Variants in KATNIP observed in about 807,000 individuals in gnomAD.
KATNIP encodes the protein katanin interacting protein, also known as katanin-interacting protein.
KATNIP carries 126 observed loss-of-function variants against 174.0 expected under a neutral mutation model. The observed-to-expected ratio is 0.72, with a 90% CI of 0.63 to 0.84. The LOEUF is 0.84. Among genes scored for constraint, KATNIP ranks in the 40% least tolerant of loss-of-function variants. KATNIP has a pLI of 0.00. For missense variants in KATNIP, 1,958 were observed against 2,109.7 expected (o/e 0.93, Z 1.41); for synonymous variants, 810 against 835.7 (o/e 0.97, Z 0.53).
intron 5 of KATNIP, among the ~76,000 whole-genome samples, chr16:27,640,069 C>T (rs745473123): frequency 6.6e-5 from 10 of 152,132 alleles, no homozygotes; most frequent in East Asian, 1.9e-4. Flanking sequence ...AAACAGTTTG[C>T]GAAGAGGGGT....
At chr16:27,570,888 G>A (rs1011366703) in intron 1 of KATNIP, among the ~76,000 whole-genome samples, 2 of 152,168 alleles carry the variant, frequency 1.3e-5, no homozygotes, top group African/African-American at 4.8e-5. Context: ...GGAGGGACAC[G>A]GAGTCTATTT....
rs958734149 is a variant in KATNIP at position 27,761,514 on chromosome 16, C to G, written c.3733C>G (p.Leu1245Val). ...GGAGGGCCAGGCGCTGCCCATCCAC[C>G]TGCACCAGATCTCTGCTTCCCCCAG... ...GKEGQALPIH[L>V]HQISASPRDL... The change falls in exon 19 of 28, where the codon CTG (leucine) becomes GTG (valine). Residue 1245 changes from leucine to valine, a missense_variant. By Grantham distance (32) the Leu-to-Val change is conservative. Transcript: ENST00000261588. The G allele has an allele frequency of 5.6e-6, 9 of 1,614,036 alleles. No homozygotes were observed. The highest frequency in any genetic ancestry group is 5.9e-6 in the Non-Finnish European group (7 of 1,180,044).
At chr16:27,574,650 C>T (rs1458872332) in intron 2 of KATNIP, among the ~76,000 whole-genome samples, 3 of 150,224 alleles carry the variant, frequency 2.0e-5, no homozygotes, top group Non-Finnish European at 3.0e-5. Flanking sequence ...CTGCAACCTC[C>T]GCCTCCCGGG....
intron 5 of KATNIP, 129 bp downstream of exon 5, chr16:27,631,291 C>A: frequency 1.5e-6 from 1 of 680,944 alleles, no homozygotes; most frequent in Non-Finnish European, 2.5e-6. Context: ...GCAATCCCAG[C>A]ATTTTGGGAG....
chr16:27,689,599 C>A (rs2078643178), intron 8 of KATNIP, among the ~76,000 whole-genome samples: 1 of 152,130 alleles, frequency 6.6e-6, no homozygotes, highest in Admixed American at 6.5e-5. Context: ...GGGCTGCAGA[C>A]AGCACCTGCC....
intron 2 of KATNIP, among the ~76,000 whole-genome samples, chr16:27,611,959 G>A (rs1271209223): frequency 5.3e-5 from 8 of 152,204 alleles, no homozygotes; most frequent in Non-Finnish European, 1.2e-4. Context: ...TGGGGACTTT[G>A]GGAACCGAGC....
chr16:27,730,806 C>A (rs1463708734), intron 14 of KATNIP, among the ~76,000 whole-genome samples: 1 of 152,208 alleles, frequency 6.6e-6, no homozygotes, highest in African/African-American at 2.4e-5. Flanking sequence ...AACAGGCACC[C>A]CCGGCCAAGT....
At chr16:27,635,380 G>C (rs955472499) in intron 5 of KATNIP, among the ~76,000 whole-genome samples, 2 of 152,152 alleles carry the variant, frequency 1.3e-5, no homozygotes, top group Non-Finnish European at 2.9e-5. Context: ...TCCCCAGGAG[G>C]AGTGTGGGAT....
At chr16:27,632,343 A>G (rs1597001764) in intron 5 of KATNIP, 1 of 201,026 alleles carries the variant, frequency 5.0e-6, no homozygotes, top group Non-Finnish European at 1.1e-5. Flanking sequence ...GTTCAGAGGG[A>G]TAAGACGGAT....
chr16:27,723,656 T>C (rs2080327606), intron 14 of KATNIP, among the ~76,000 whole-genome samples: 2 of 152,208 alleles, frequency 1.3e-5, no homozygotes, highest in South Asian at 4.1e-4. Flanking sequence ...TGAGCTCATG[T>C]TCCTAATAAT....
chr16:27,643,960 C>A (rs1283611267), intron 5 of KATNIP, among the ~76,000 whole-genome samples: 1 of 149,218 alleles, frequency 6.7e-6, no homozygotes, highest in Non-Finnish European at 1.5e-5. Context: ...AGGACCAGTT[C>A]TAGGAAATTG....
At chr16:27,719,907 A>G (rs909463928) in intron 13 of KATNIP, among the ~76,000 whole-genome samples, 1 of 152,028 alleles carries the variant, frequency 6.6e-6, no homozygotes, top group Non-Finnish European at 1.5e-5. Context: ...CCTGGCCTCA[A>G]GTGATCCTCC....
At chr16:27,771,481 A>G (rs2082300038) in intron 21 of KATNIP, 107 bp from the exon 22 acceptor site, 3 of 1,012,366 alleles carry the variant, frequency 3.0e-6, no homozygotes, top group Non-Finnish European at 3.0e-6. Context: ...CATCCTAGGG[A>G]ACGCTAAACT....
intron 6 of KATNIP, among the ~76,000 whole-genome samples, chr16:27,672,995 A>AG (rs1406901104): frequency 3.9e-5 from 6 of 152,298 alleles, no homozygotes; most frequent in South Asian, 2.1e-4. Flanking sequence ...GCAGTCTCCC[A>AG]GCTAGGAACG....
intron 6 of KATNIP, among the ~76,000 whole-genome samples, chr16:27,660,700 T>G (rs1354120632): frequency 6.6e-6 from 1 of 151,510 alleles, no homozygotes; most frequent in Non-Finnish European, 1.5e-5. Context: ...GCAGTGGCTA[T>G]TCACAGGTGC....
chr16:27,715,633 T>C lies in KATNIP; in HGVS notation c.1606-5925T>C, dbSNP rs577511311. On this transcript the variant is annotated intron_variant, in intron 13 of 27. Transcript: ENST00000261588. ...CCAATTAAAATATGGCCAAAGGACT[T>C]TGAATAGACATTTCTCCAAGAAAAT... Among the ~76,000 whole-genome samples the C allele has an allele frequency of 3.3e-5, 5 of 152,312 alleles. No homozygotes were observed. The South Asian group carries it at 1.0e-3, about 32-fold the overall frequency.
Position 27,777,827 on chromosome 16 carries a change from T to A in KATNIP, c.4713-54T>A. 6.2e-7 allele frequency: 1 copy of A among 1,612,818 alleles called. No individual in the cohort carries two copies. Among genetic ancestry groups the A allele is most frequent in the Non-Finnish European group, 8.5e-7 (1 of 1,178,834 alleles). On this transcript the variant is annotated intron_variant, in intron 26 of 27. Transcript: ENST00000261588. The surrounding 1 kb of genome is among the most constrained non-coding windows in gnomAD (Gnocchi z 4.4). ...ACCAGCCCTAAGGAGGATGGATGGC[T>A]GGGACACACGGCCAGGAGCCTGATC...
intron 2 of KATNIP, among the ~76,000 whole-genome samples, chr16:27,602,649 C>G (rs1176879720): frequency 6.6e-6 from 1 of 152,198 alleles, no homozygotes; most frequent in Non-Finnish European, 1.5e-5. Context: ...TATGATTACT[C>G]AAATCAGCCT....
At chr16:27,633,907 C>T (rs1422124957) in intron 5 of KATNIP, among the ~76,000 whole-genome samples, 1 of 152,202 alleles carries the variant, frequency 6.6e-6, no homozygotes, top group Non-Finnish European at 1.5e-5. Flanking sequence ...CATTGATTAA[C>T]TGGGGAAGGG....
Sources: gnomAD v4.1 joint callset for allele counts (sites outside exome capture counted in the v4.1 genomes callset) on GRCh38, gnomAD v4.1.1 for gene constraint, Gnocchi (gnomAD v3.1) non-coding constraint, MANE v1.5 for transcripts, NCBI Gene and HGNC (gene_info 2026-07-23, HGNC 2026-07-21) for gene names.